Variants in PPP1R1A observed in about 807,000 individuals in gnomAD.
PPP1R1A encodes the protein protein phosphatase 1 regulatory subunit 1A.
In PPP1R1A, 18 loss-of-function variants were observed where a neutral mutation model predicts 23.9. That is an observed-to-expected ratio of 0.75 (90% CI 0.52 to 1.12). The LOEUF (loss-of-function observed/expected upper bound fraction) is 1.12, where lower values mean the gene tolerates loss of function less well. Ranked by LOEUF, PPP1R1A falls within the 50% of genes most tolerant of loss-of-function variation. The pLI, the probability that PPP1R1A is intolerant of heterozygous loss-of-function variation, is 0.00. For synonymous variants in PPP1R1A, 84 were observed against 80.7 expected (o/e 1.04, Z -0.22); for missense variants, 207 against 223.8 (o/e 0.92, Z 0.48).
Position 54,584,270 on chromosome 12 carries a change from C to T in PPP1R1A, c.135G>A (p.Gln45=). The T allele has an allele frequency of 6.2e-7, 1 of 1,602,568 alleles. No individual in the cohort carries two copies. The change falls in exon 2 of 7, where the codon CAG becomes CAA. Residue 45 remains glutamine, a synonymous_variant. Transcript: ENST00000257905. ...TPATLVLTSD[Q]SSPEIDEDRI... is the part of the protein sequence containing the mutation. The stretch of plus-strand genomic sequence containing the variant: ...TATCCCTTGGCTTACCTGGGGATGA[C>T]TGGTCACTGGTCAGCACGAGGGTGG...
chr12:54,585,734 G>C (rs943323630), intron 1 of PPP1R1A, among the ~76,000 whole-genome samples: 6 of 151,652 alleles, frequency 4.0e-5, no homozygotes, highest in Non-Finnish European at 8.8e-5. Flanking sequence ...GCCCAGAAAA[G>C]TGGGGGGTAC....
intron 3 of PPP1R1A, 128 bp from the exon 4 acceptor site, chr12:54,582,923 A>T: frequency 9.8e-7 from 1 of 1,021,754 alleles, no homozygotes; most frequent in Non-Finnish European, 1.4e-6. Context: ...AGGCTTTTGG[A>T]TTGGAGCCTG....
chr12:54,585,777 G>T (rs2121214663), intron 1 of PPP1R1A, among the ~76,000 whole-genome samples: 1 of 149,916 alleles, frequency 6.7e-6, no homozygotes, highest in Admixed American at 6.7e-5. Flanking sequence ...TTAAGCCTGA[G>T]GGGGGAACTC....
intron 6 of PPP1R1A, 25 bp from the exon 7 acceptor site, chr12:54,580,417 AAG>A: frequency 2.5e-6 from 4 of 1,604,692 alleles, no homozygotes; most frequent in Non-Finnish European, 3.4e-6. Context: ...AGGGGACAGA[AAG>A]AGAAGGTGAG....
Position 54,588,575 on chromosome 12 carries a change from C to T in PPP1R1A, c.-87G>A. ...CTGGGGCGGGCGCGCTCCCTCTCCG[C>T]TCCGCTCCGGCCCCGGCCCCAGCCC... is the stretch of plus-strand genomic sequence containing the variant. On this transcript the variant is annotated 5_prime_UTR_variant, in exon 1 of 7. Transcript: ENST00000257905. 1 of 757,948 alleles carries T rather than the reference C, an allele frequency of 1.3e-6. No homozygotes were observed. The highest frequency in any genetic ancestry group is 1.8e-6 in the Non-Finnish European group (1 of 564,604). The allele number at this position is 757,948 out of a possible 1,614,324, so 47.0% of individuals were successfully genotyped here.
chr12:54,581,065 T>C lies in PPP1R1A; in HGVS notation c.404-15A>G, dbSNP rs751185126. Reference sequence around the variant, plus strand: ...TTCTGCAGTTTCTGGGGAGGGAACATAGGGGTGGGAGGAAGAGGTGGCATT... The same window carrying C: ...TTCTGCAGTTTCTGGGGAGGGAACACAGGGGTGGGAGGAAGAGGTGGCATT... On this transcript the variant is annotated splice_polypyrimidine_tract_variant and intron_variant, in intron 5 of 6. Coordinates refer to ENST00000257905, the MANE Select transcript of PPP1R1A (RefSeq NM_006741.4). This position sits in a 1 kb window ranked among gnomAD's most constrained non-coding sequence, Gnocchi z 4.1. The C allele has an allele frequency of 5.1e-6, 8 of 1,573,074 alleles. No individual in the cohort carries two copies. Among genetic ancestry groups the C allele is most frequent in the East Asian group, 2.2e-5 (1 of 44,720 alleles).
intron 1 of PPP1R1A, among the ~76,000 whole-genome samples, chr12:54,587,285 G>A (rs1426101523): frequency 1.3e-5 from 2 of 152,158 alleles, no homozygotes; most frequent in African/African-American, 2.4e-5. Context: ...AGGTCACAAA[G>A]TTTTTTTCAG....
chr12:54,584,590 A>G (rs1957890547), intron 1 of PPP1R1A, among the ~76,000 whole-genome samples: 1 of 152,180 alleles, frequency 6.6e-6, no homozygotes, highest in Non-Finnish European at 1.5e-5. Flanking sequence ...AATAAAAGAG[A>G]GGGAGGGAGG....
chr12:54,588,415 G>T lies in PPP1R1A; in HGVS notation c.74C>A (p.Ala25Glu). 6 of 1,498,708 alleles carry T rather than the reference G, an allele frequency of 4.0e-6. No individual in the cohort carries two copies. The highest frequency in any genetic ancestry group is 5.4e-6 in the Non-Finnish European group (6 of 1,119,032). 92.8% of individuals were successfully genotyped at this position (1,498,708 alleles called of 1,614,324 possible). ...CGCCCTGCTCCGCACCTGCTCCGCC[G>T]CCTCGGGGTCAAGGTGCGGCTCCAG... ...PLLEPHLDPE[A>E]AEQIRRRRPT... Residue 25 changes from alanine to glutamate, a missense_variant, in exon 1 of 7, where the codon GCG (alanine) becomes GAG (glutamate). Coordinates refer to ENST00000257905, the MANE Select transcript of PPP1R1A (RefSeq NM_006741.4).
intron 2 of PPP1R1A, 119 bp downstream of exon 2, chr12:54,584,141 T>G (rs2292490): frequency 0.43 from 446,522 of 1,027,246 alleles, 102,935 homozygotes; most frequent in Non-Finnish European, 0.49. Flanking sequence ...CTGCCTTCAG[T>G]ACTGAGGACA....
At chr12:54,585,056 G>A (rs181572779) in intron 1 of PPP1R1A, among the ~76,000 whole-genome samples, 1 of 152,334 alleles carries the variant, frequency 6.6e-6, no homozygotes, top group East Asian at 1.9e-4. Flanking sequence ...AACATTTTGT[G>A]TGACAGCGCC....
rs1957837411 is a variant in PPP1R1A, at chr12:54,579,875, T to C, written c.*512A>G. ...CCATGGGCCAAGTGCCATGGTGCAGTTCCCCTTTTGTCCAGCAGATGGAGC... is the reference window on the plus strand; with the variant it reads ...CCATGGGCCAAGTGCCATGGTGCAGCTCCCCTTTTGTCCAGCAGATGGAGC... On this transcript the variant is annotated 3_prime_UTR_variant, in exon 7 of 7. Coordinates refer to ENST00000257905, the MANE Select transcript of PPP1R1A (RefSeq NM_006741.4). 1 of 986,178 alleles carries C rather than the reference T, an allele frequency of 1.0e-6. No homozygotes were observed. 61.1% of individuals were successfully genotyped at this position (986,178 alleles called of 1,614,324 possible).
chr12:54,583,537 T>C (rs910993842), intron 2 of PPP1R1A, among the ~76,000 whole-genome samples: 1 of 152,198 alleles, frequency 6.6e-6, no homozygotes, highest in Non-Finnish European at 1.5e-5. Flanking sequence ...GCAGGATCTG[T>C]AGTCTTTTTG....
Position 54,584,305 on chromosome 12 carries a change from G to A in PPP1R1A, c.100C>T (p.Pro34Ser). 1 of 1,603,734 alleles carries A rather than the reference G, an allele frequency of 6.2e-7. No individual in the cohort carries two copies. The highest frequency in any genetic ancestry group is 8.5e-7 in the Non-Finnish European group (1 of 1,175,622). ...EAAEQIRRRR[P>S]TPATLVLTSD... ...GTCAGCACGAGGGTGGCAGGGGTGG[G>A]GCGGCGCCTCCGAATCTGAGGGAAG... The change falls in exon 2 of 7, where the codon CCC becomes TCC. Residue 34 changes from proline (P) to serine (S), a missense_variant. Physicochemically the swap from Pro to Ser is moderately conservative, Grantham distance 74 (BLOSUM62 -1). Transcript: ENST00000257905.
At chr12:54,585,322 G>A (rs1418830651) in intron 1 of PPP1R1A, among the ~76,000 whole-genome samples, 1 of 152,182 alleles carries the variant, frequency 6.6e-6, no homozygotes, top group African/African-American at 2.4e-5. Flanking sequence ...CTTATCCTAG[G>A]CTCCAGGTCC....
rs752832666 is a variant in PPP1R1A at position 54,584,311 on chromosome 12, G to A, written c.94C>T (p.Arg32Cys). 14 of 1,601,310 alleles carry A rather than the reference G, an allele frequency of 8.7e-6. No individual in the cohort carries two copies. The Admixed American group carries it at 1.7e-4, about 20-fold the overall frequency. Residue 32 changes from arginine to cysteine, a missense_variant, in exon 2 of 7, where the codon CGC becomes TGC. Physicochemically the swap from Arg to Cys is radical, Grantham distance 180 (BLOSUM62 -3). Transcript: ENST00000257905. Reference protein sequence around the residue: ...DPEAAEQIRRRRPTPATLVLT... With the variant: ...DPEAAEQIRRCRPTPATLVLT... ...ACGAGGGTGGCAGGGGTGGGGCGGC[G>A]CCTCCGAATCTGAGGGAAGGTGGGA... is the stretch of plus-strand genomic sequence containing the variant.
At position 54,579,394 on chromosome 12, in the gene PPP1R1A, A is replaced by C; in HGVS notation, c.*993T>G. 1.0e-6 allele frequency: 1 copy of C among 985,226 alleles called. No individual in the cohort carries two copies. Among genetic ancestry groups the C allele is most frequent in the Non-Finnish European group, 1.2e-6 (1 of 829,904 alleles). The allele number at this position is 985,226 out of a possible 1,614,324, so 61.0% of individuals were successfully genotyped here. On this transcript the variant is annotated 3_prime_UTR_variant, in exon 7 of 7. Coordinates refer to ENST00000257905, the MANE Select transcript of PPP1R1A (RefSeq NM_006741.4). ...TCTGGGCAAGCTGAGGCCCAGGAGG[A>C]GGCCCCGAGGGCTCATAGTAGCTGC...
rs556856489 is a variant in PPP1R1A, at chr12:54,585,436, T to C, written c.85-1116A>G. 2.6e-5 allele frequency among the ~76,000 whole-genome samples: 4 copies of C among 152,282 alleles called. No homozygotes were observed. The South Asian group carries it at 8.3e-4, about 32-fold the overall frequency. On this transcript the variant is annotated intron_variant, in intron 1 of 6. Coordinates refer to ENST00000257905, the MANE Select transcript of PPP1R1A (RefSeq NM_006741.4). ...TCACGCTGCCAATAAAGTTGATTGT[T>C]GTTGAAGTCAGTTCAAGGACTCCTG...
intron 1 of PPP1R1A, among the ~76,000 whole-genome samples, chr12:54,586,049 A>C (rs1246623070): frequency 2.0e-5 from 3 of 151,828 alleles, no homozygotes; most frequent in African/African-American, 7.3e-5. Context: ...CAACTAGAAG[A>C]CTCCTCTACT....
Sources: allele counts gnomAD v4.1 joint callset (sites outside exome capture counted in the v4.1 genomes callset), GRCh38; gene constraint gnomAD v4.1.1; non-coding constraint Gnocchi (gnomAD v3.1); transcripts MANE v1.5; gene names NCBI Gene and HGNC (gene_info 2026-07-23, HGNC 2026-07-21).